Variants in MIPOL1 observed in about 807,000 individuals in gnomAD.
The protein encoded by MIPOL1 is mirror-image polydactyly gene 1 protein.
A neutral mutation model predicts 60.9 loss-of-function variants in MIPOL1; 57 were observed. The ratio of observed to expected loss-of-function variants is 0.94; its 90% confidence interval spans 0.76 to 1.17. The LOEUF (loss-of-function observed/expected upper bound fraction) is 1.17. Among genes scored for constraint, MIPOL1 ranks in the 50% most tolerant of loss-of-function variants. The pLI, the probability that MIPOL1 is intolerant of heterozygous loss-of-function variation, is 0.00. For synonymous variants in MIPOL1, 179 were observed against 168.8 expected (o/e 1.06, Z -0.47); for missense variants, 551 against 511.6 (o/e 1.08, Z -0.74).
At chr14:37,432,597 C>T (rs2094092061) in intron 11 of MIPOL1, among the ~76,000 whole-genome samples, 1 of 151,566 alleles carries the variant, frequency 6.6e-6, no homozygotes, top group Non-Finnish European at 1.5e-5. Context: ...ATATCACCTA[C>T]CAAAAAAATT....
chr14:37,435,663 C>T (rs1479282239), intron 11 of MIPOL1, among the ~76,000 whole-genome samples: 3 of 152,080 alleles, frequency 2.0e-5, no homozygotes. Context: ...AGCAGGTTGC[C>T]TGGGAAGTGA....
intron 9 of MIPOL1, among the ~76,000 whole-genome samples, chr14:37,358,926 G>T (rs1345983866): frequency 6.6e-6 from 1 of 152,068 alleles, no homozygotes; most frequent in Non-Finnish European, 1.5e-5. Flanking sequence ...TGTCTGGAAT[G>T]GTATTGCCTA....
chr14:37,426,542 C>T (rs1194152495), intron 11 of MIPOL1, among the ~76,000 whole-genome samples: 1 of 109,594 alleles, frequency 9.1e-6, no homozygotes, highest in African/African-American at 3.5e-5. Flanking sequence ...GCCTGGGCAA[C>T]AAGAGTGAAA....
At chr14:37,326,970 A>C (rs1443608196) in intron 9 of MIPOL1, among the ~76,000 whole-genome samples, 1 of 152,206 alleles carries the variant, frequency 6.6e-6, no homozygotes, top group Non-Finnish European at 1.5e-5. Flanking sequence ...AATGAAAAAA[A>C]AACTATGAGT....
At chr14:37,246,298 G>A (rs1336896015) in intron 1 of MIPOL1, among the ~76,000 whole-genome samples, 1 of 152,104 alleles carries the variant, frequency 6.6e-6, no homozygotes, top group Non-Finnish European at 1.5e-5. Flanking sequence ...TTCATTAAAA[G>A]TGTAGAAATC....
At chr14:37,498,045 TTTTA>T (rs1566720876) in intron 11 of MIPOL1, among the ~76,000 whole-genome samples, 1 of 152,202 alleles carries the variant, frequency 6.6e-6, no homozygotes, top group Non-Finnish European at 1.5e-5. Flanking sequence ...TAACAGAATA[TTTTA>T]TAGCAATAAA....
chr14:37,426,594 T>TATATATATATATATATACAC (rs1447990257), intron 11 of MIPOL1, among the ~76,000 whole-genome samples: 7 of 125,412 alleles, frequency 5.6e-5, no homozygotes, highest in Admixed American at 1.7e-4. Flanking sequence ...TATATATATA[T>TATATATATATATATATACAC]ACACACACAC....
At chr14:37,375,211 T>C (rs935336038) in intron 10 of MIPOL1, among the ~76,000 whole-genome samples, 2 of 152,050 alleles carry the variant, frequency 1.3e-5, no homozygotes, top group Non-Finnish European at 2.9e-5. Flanking sequence ...TTTTCATTAT[T>C]ATTATAATTT....
chr14:37,478,849 A>C (rs918355440), intron 11 of MIPOL1, among the ~76,000 whole-genome samples: 1 of 152,148 alleles, frequency 6.6e-6, no homozygotes, highest in African/African-American at 2.4e-5. Flanking sequence ...AGAATGTAAC[A>C]GTTGTAAATA....
chr14:37,234,147 C>A (rs926405214), intron 1 of MIPOL1, among the ~76,000 whole-genome samples: 2 of 152,144 alleles, frequency 1.3e-5, no homozygotes, highest in Admixed American at 6.5e-5. Context: ...AAAGTTTGCT[C>A]AGGTTTATTC....
chr14:37,256,034 A>G (rs995429518), intron 3 of MIPOL1, among the ~76,000 whole-genome samples: 14 of 151,876 alleles, frequency 9.2e-5, no homozygotes, highest in Admixed American at 4.6e-4. Flanking sequence ...CCTTTTAAAT[A>G]CAGTTTTGCT....
intron 9 of MIPOL1, among the ~76,000 whole-genome samples, chr14:37,351,386 T>C (rs1407356678): frequency 6.7e-6 from 1 of 148,810 alleles, no homozygotes; most frequent in Admixed American, 6.7e-5. Flanking sequence ...CATGTGTCTT[T>C]ATAGCAGCAT....
intron 12 of MIPOL1, among the ~76,000 whole-genome samples, chr14:37,510,149 C>T (rs985102734): frequency 6.6e-6 from 1 of 151,874 alleles, no homozygotes; most frequent in Non-Finnish European, 1.5e-5. Context: ...ATACACACAT[C>T]TATAAACTAC....
chr14:37,427,826 A>G (rs2093991177), intron 11 of MIPOL1, among the ~76,000 whole-genome samples: 1 of 152,200 alleles, frequency 6.6e-6, no homozygotes, highest in Non-Finnish European at 1.5e-5. Flanking sequence ...GTGAAACACA[A>G]CTAATTCATA....
chr14:37,438,510 G>C (rs1321412047), intron 11 of MIPOL1, among the ~76,000 whole-genome samples: 1 of 152,180 alleles, frequency 6.6e-6, no homozygotes, highest in Non-Finnish European at 1.5e-5. Flanking sequence ...CCTCCTGATA[G>C]CTGGGCCTTT....
chr14:37,467,783 G>A (rs144279622), intron 11 of MIPOL1, among the ~76,000 whole-genome samples: 11 of 152,114 alleles, frequency 7.2e-5, no homozygotes, highest in East Asian at 1.9e-4. Context: ...GGCCGGGTGC[G>A]GTGGCTCATG....
chr14:37,466,136 A>T (rs1189443516), intron 11 of MIPOL1, among the ~76,000 whole-genome samples: 1 of 152,168 alleles, frequency 6.6e-6, no homozygotes, highest in Non-Finnish European at 1.5e-5. Context: ...ACATTTCCTT[A>T]TGACAGCAGC....
At chr14:37,210,572 C>T (rs902034498) in intron 1 of MIPOL1, among the ~76,000 whole-genome samples, 4 of 152,048 alleles carry the variant, frequency 2.6e-5, no homozygotes, top group East Asian at 1.9e-4. Context: ...TCAGTCTCCT[C>T]GAAGGCTTGA....
At chr14:37,340,730 T>G (rs963931242) in intron 9 of MIPOL1, among the ~76,000 whole-genome samples, 2 of 152,056 alleles carry the variant, frequency 1.3e-5, no homozygotes, top group Admixed American at 1.3e-4. Flanking sequence ...CTAAGATTAA[T>G]TTTTTATTGA....
Sources: allele counts gnomAD v4.1 joint callset (sites outside exome capture counted in the v4.1 genomes callset), GRCh38; gene constraint gnomAD v4.1.1; transcripts MANE v1.5; gene names NCBI Gene and HGNC (gene_info 2026-07-23, HGNC 2026-07-21).